The following MED12L variants were observed in gnomAD, a reference collection of about 807,000 sequenced individuals.
The protein encoded by MED12L is mediator of RNA polymerase II transcription subunit 12-like protein.
In MED12L, 60 loss-of-function variants were observed where a neutral mutation model predicts 281.3. That is an observed-to-expected ratio of 0.21 (90% CI 0.17 to 0.26). MED12L has a LOEUF of 0.26. MED12L is among the 10% of genes least tolerant of loss of function. The pLI is 1.00. For synonymous variants in MED12L, 974 were observed against 987.2 expected (o/e 0.99, Z 0.25); for missense variants, 2,146 against 2,680.9 (o/e 0.80, Z 4.41).
chr3:151,370,807 A>G (rs929570903), intron 26 of MED12L, among the ~76,000 whole-genome samples: 7 of 152,356 alleles, frequency 4.6e-5, no homozygotes, highest in African/African-American at 1.7e-4. Flanking sequence ...GTGTGAATCT[A>G]TAAATGACAA....
At chr3:151,295,600 G>A (rs149331649) in intron 16 of MED12L, among the ~76,000 whole-genome samples, 1 of 152,104 alleles carries the variant, frequency 6.6e-6, no homozygotes, top group Non-Finnish European at 1.5e-5. Flanking sequence ...GCCAACACAT[G>A]GTTATTGTTT....
intron 36 of MED12L, among the ~76,000 whole-genome samples, chr3:151,387,076 A>G (rs1253446216): frequency 6.6e-6 from 1 of 152,212 alleles, no homozygotes; most frequent in Non-Finnish European, 1.5e-5. Context: ...TAACACTTAC[A>G]TCTTAGGGAA....
rs111283701 is a variant in MED12L, at chr3:151,402,865, G to A, written c.5821-6378G>A. On this transcript the variant is annotated intron_variant, in intron 39 of 44. Transcript: ENST00000687756. ...GTTCATATGTATTTTGGCTACCCAC[G>A]TCATTAGGCTAAAAAATCTTATCTG... is the stretch of plus-strand genomic sequence containing the variant. Among the ~76,000 whole-genome samples the A allele has an allele frequency of 5.9e-3, 893 of 152,136 alleles. 8 individuals carry two copies. Among genetic ancestry groups the A allele is most frequent in the South Asian group, 0.024 (114 of 4,826 alleles).
chr3:151,399,970 G>A (rs1391733412), intron 39 of MED12L, among the ~76,000 whole-genome samples: 2 of 152,150 alleles, frequency 1.3e-5, no homozygotes, highest in Non-Finnish European at 2.9e-5. Flanking sequence ...GGGACTACAG[G>A]CATGCACCAC....
At chr3:151,205,430 C>A (rs1329768005) in intron 16 of MED12L, among the ~76,000 whole-genome samples, 1 of 152,230 alleles carries the variant, frequency 6.6e-6, no homozygotes, top group Non-Finnish European at 1.5e-5. Context: ...CCTATCCATA[C>A]AAAACGTGCT....
chr3:151,179,115 G>A (rs111701976), intron 11 of MED12L, among the ~76,000 whole-genome samples: 5 of 152,200 alleles, frequency 3.3e-5, no homozygotes, highest in African/African-American at 1.2e-4. Flanking sequence ...TGAGGTGAGC[G>A]GACCACCTGA....
chr3:151,413,657 C>A (rs1717209430), intron 42 of MED12L, among the ~76,000 whole-genome samples: 1 of 152,158 alleles, frequency 6.6e-6, no homozygotes, highest in African/African-American at 2.4e-5. Flanking sequence ...AAACAAAAAA[C>A]TGAGCCATCC....
At chr3:151,300,171 TCA>T (rs1745710590) in intron 16 of MED12L, 1 of 1,013,950 alleles carries the variant, frequency 9.9e-7, no homozygotes, top group African/African-American at 1.6e-5. Flanking sequence ...AGGCGTGGGT[TCA>T]GCATAGGTTA....
chr3:151,397,374 A>G (rs189453833), intron 39 of MED12L, among the ~76,000 whole-genome samples: 8 of 152,346 alleles, frequency 5.3e-5, no homozygotes, highest in East Asian at 1.9e-4. Flanking sequence ...AGAGAAATGC[A>G]TACATTATGC....
intron 2 of MED12L, among the ~76,000 whole-genome samples, chr3:151,106,300 CTT>C (rs1722032340): frequency 9.4e-6 from 1 of 106,472 alleles, no homozygotes; most frequent in Non-Finnish European, 1.8e-5. Flanking sequence ...TTTCCTTTTC[CTT>C]TTCCTTCTCC....
intron 2 of MED12L, among the ~76,000 whole-genome samples, chr3:151,097,176 A>G (rs1483677283): frequency 1.3e-5 from 2 of 152,062 alleles, no homozygotes; most frequent in African/African-American, 4.8e-5. Context: ...CCCCTTATTT[A>G]TGGGCAGCTC....
intron 16 of MED12L, among the ~76,000 whole-genome samples, chr3:151,304,677 C>G (rs1004113951): frequency 6.6e-6 from 1 of 151,840 alleles, no homozygotes; most frequent in Non-Finnish European, 1.5e-5. Context: ...GGATTTGATT[C>G]TCTCATTCTC....
In MED12L at chr3:151,086,834, G is replaced by A. The variant is rs1191406566; in HGVS notation, c.-93G>A. Reference sequence around the variant, plus strand: ...GCGAGCGAGCGAGGAGGGGGAGAGAGGGAGTCTGTCTGCAAAGTGCTGCTC... The same window carrying A: ...GCGAGCGAGCGAGGAGGGGGAGAGAAGGAGTCTGTCTGCAAAGTGCTGCTC... On this transcript the variant is annotated 5_prime_UTR_variant, in exon 2 of 45. Transcript: ENST00000687756. 2 of 956,644 alleles carry A rather than the reference G, an allele frequency of 2.1e-6. No homozygotes were observed. Among genetic ancestry groups the A allele is most frequent in the Non-Finnish European group, 3.1e-6 (2 of 643,928 alleles). 59.3% of individuals were successfully genotyped at this position (956,644 alleles called of 1,614,324 possible).
intron 16 of MED12L, among the ~76,000 whole-genome samples, chr3:151,300,838 A>T (rs1347613621): frequency 6.6e-6 from 1 of 152,210 alleles, no homozygotes; most frequent in Admixed American, 6.5e-5. Flanking sequence ...AGGCAGGAGT[A>T]TGTGTAAGAG....
intron 20 of MED12L, among the ~76,000 whole-genome samples, chr3:151,359,371 T>G (rs1293357947): frequency 1.3e-5 from 2 of 152,210 alleles, no homozygotes; most frequent in African/African-American, 4.8e-5. Context: ...TGGCAGCTTT[T>G]ACCTGCTGCT....
At position 151,432,899 on chromosome 3, in the gene MED12L, T is replaced by C. The variant is rs1469597860; in HGVS notation, c.*95T>C. On this transcript the variant is annotated 3_prime_UTR_variant, in exon 45 of 45. Transcript: ENST00000687756. ...AGTCATCTTAAAAATGTCCCTTTTT[T>C]TCATTTCTTTGACATTTTACTATAT... The C allele has an allele frequency of 6.4e-6, 6 of 937,612 alleles. No individual in the cohort carries two copies. Among genetic ancestry groups the C allele is most frequent in the African/African-American group, 1.7e-5 (1 of 59,680 alleles). 58.1% of individuals were successfully genotyped at this position (937,612 alleles called of 1,614,324 possible). A position where few individuals can be genotyped will look rare whatever the true frequency, so the allele number is the denominator to read the frequency against.
rs750532883 is a variant in MED12L at position 151,377,119 on chromosome 3, C to T, written c.4257C>T (p.Asn1419=). 2.4e-5 allele frequency: 39 copies of T among 1,613,890 alleles called. 1 individual carries two copies. In the Admixed American group the frequency reaches 6.3e-4, roughly 26 times the overall value. The change falls in exon 30 of 45, where the codon AAC becomes AAT. Residue 1419 remains asparagine, a synonymous_variant. Transcript: ENST00000687756. ...SNSGMSLFNP[N]SIGSADTSST... ...CTGGCATGAGCCTCTTCAACCCAAA[C>T]AGTATTGGAAGTGCTGATACAAGTA...
At chr3:151,107,377 A>G (rs1722207662) in intron 2 of MED12L, among the ~76,000 whole-genome samples, 1 of 152,104 alleles carries the variant, frequency 6.6e-6, no homozygotes, top group Admixed American at 6.5e-5. Context: ...CTAACTCCCC[A>G]GACTAGTTTA....
chr3:151,269,619 CAA>C (rs1416666779), intron 16 of MED12L: 4 of 357,082 alleles, frequency 1.1e-5, no homozygotes, highest in Non-Finnish European at 1.6e-5. Context: ...GGGAGGAAGA[CAA>C]AGAGGCACTG....
Sources: allele counts gnomAD v4.1 joint callset (sites outside exome capture counted in the v4.1 genomes callset), GRCh38; gene constraint gnomAD v4.1.1; transcripts MANE v1.5; gene names NCBI Gene and HGNC (gene_info 2026-07-23, HGNC 2026-07-21).